PCDH11X: variants seen among roughly 807,000 people sequenced by gnomAD.
PCDH11X encodes the protein protocadherin-11 X-linked.
Under a neutral mutation model 53.3 loss-of-function variants are expected in PCDH11X, and 18 were observed. That is an observed-to-expected ratio of 0.34 (90% CI 0.23 to 0.50). The LOEUF (loss-of-function observed/expected upper bound fraction) is 0.50. Among genes scored for constraint, PCDH11X ranks in the 20% least tolerant of loss-of-function variants. PCDH11X has a pLI of 0.98. For synonymous variants in PCDH11X, 279 were observed against 393.3 expected, an observed-to-expected ratio of 0.71 and a Z score of 3.44; for missense variants, 570 against 1,032.4, an observed-to-expected ratio of 0.55 and a Z score of 6.14.
chrX:92,505,752 T>C (rs887776374), intron 10 of PCDH11X, among the ~76,000 whole-genome samples: 2 of 111,123 alleles, frequency 1.8e-5, no homozygotes, highest in Non-Finnish European at 3.8e-5. Flanking sequence ...ATGTCATTAG[T>C]TGTTTGATTG....
At chrX:92,368,426 C>A (rs2070528963) in intron 8 of PCDH11X, among the ~76,000 whole-genome samples, 1 of 111,792 alleles carries the variant, frequency 8.9e-6, no homozygotes, top group Non-Finnish European at 1.9e-5. Flanking sequence ...AGCTTCCTTG[C>A]ATTGGCTTAA....
At chrX:92,268,862 C>A (rs752185158) in intron 8 of PCDH11X, among the ~76,000 whole-genome samples, 1 of 112,093 alleles carries the variant, frequency 8.9e-6, no homozygotes, top group African/African-American at 3.2e-5. Flanking sequence ...ATCAGTCTGG[C>A]CAACCTCGTC....
At chrX:92,210,594 T>G (rs1178387358) in intron 7 of PCDH11X, among the ~76,000 whole-genome samples, 3 of 111,422 alleles carry the variant, frequency 2.7e-5, no homozygotes, top group African/African-American at 9.8e-5. Flanking sequence ...TTTTTCAAAC[T>G]TTTATGCTCT....
intron 10 of PCDH11X, among the ~76,000 whole-genome samples, chrX:92,488,053 AG>A (rs781149078): frequency 1.2e-4 from 13 of 112,320 alleles, no homozygotes; most frequent in African/African-American, 3.9e-4. Context: ...CTCCTGCCTC[AG>A]CCTTCCCAGT....
intron 9 of PCDH11X, among the ~76,000 whole-genome samples, chrX:92,465,856 T>C (rs1402638183): frequency 7.2e-5 from 8 of 110,859 alleles, no homozygotes; most frequent in South Asian, 7.5e-4. Flanking sequence ...GTTATTTCTA[T>C]TGTTTTAGTT....
At chrX:92,356,043 CT>C (rs1180610363) in intron 8 of PCDH11X, among the ~76,000 whole-genome samples, 1 of 111,863 alleles carries the variant, frequency 8.9e-6, no homozygotes, top group Non-Finnish European at 1.9e-5. Flanking sequence ...GAAGCTCCTT[CT>C]GTGTCAATGC....
intron 6 of PCDH11X, among the ~76,000 whole-genome samples, chrX:92,057,764 G>A (rs2063470382): frequency 9.8e-6 from 1 of 101,628 alleles, no homozygotes; most frequent in Admixed American, 1.1e-4. Context: ...TTGAGGAAAA[G>A]ATTTATTGCT....
chrX:92,274,553 T>C lies in PCDH11X; in HGVS notation c.3144+11410T>C, dbSNP rs1237049798. Among the ~76,000 whole-genome samples the C allele has an allele frequency of 3.6e-5, 4 of 111,264 alleles. No homozygotes were observed. The South Asian group carries it at 1.5e-3, about 42-fold the overall frequency. On this transcript the variant is annotated intron_variant, in intron 8 of 10. Coordinates refer to ENST00000682573, the MANE Select transcript of PCDH11X (RefSeq NM_032968.5). Reference sequence around the variant, plus strand: ...CCTAGACTAAGAGGTATTTTAGTTATCTGACTCCGGACATGTTGAGTAAAG... The same window carrying C: ...CCTAGACTAAGAGGTATTTTAGTTACCTGACTCCGGACATGTTGAGTAAAG...
chrX:91,962,366 A>G (rs1164914926), intron 6 of PCDH11X, among the ~76,000 whole-genome samples: 1 of 112,705 alleles, frequency 8.9e-6, no homozygotes, highest in African/African-American at 3.2e-5. Flanking sequence ...TGCAAGTCCA[A>G]AATCCAGTGG....
intron 6 of PCDH11X, among the ~76,000 whole-genome samples, chrX:92,180,931 C>A (rs1221143272): frequency 9.2e-6 from 1 of 108,169 alleles, no homozygotes; most frequent in African/African-American, 3.4e-5. Context: ...TGGGCTAATA[C>A]AGTAAATTGG....
At chrX:91,828,254 G>A (rs1468388589) in intron 4 of PCDH11X, among the ~76,000 whole-genome samples, 1 of 108,793 alleles carries the variant, frequency 9.2e-6, no homozygotes, top group African/African-American at 3.4e-5. Context: ...CGCATAGCTG[G>A]GACTACAGGC....
At chrX:92,330,881 A>G (rs997376822) in intron 8 of PCDH11X, among the ~76,000 whole-genome samples, 14 of 96,306 alleles carry the variant, frequency 1.5e-4, no homozygotes, top group African/African-American at 4.9e-4. Context: ...CTATTATGTC[A>G]GAAAGCCAAT....
chrX:92,217,189 T>C (rs2148347089), intron 7 of PCDH11X, among the ~76,000 whole-genome samples: 1 of 110,500 alleles, frequency 9.0e-6, no homozygotes, highest in East Asian at 2.9e-4. Context: ...CAGGATCAAA[T>C]TCACACATAA....
At chrX:92,519,407 C>CT (rs2074330074) in intron 10 of PCDH11X, among the ~76,000 whole-genome samples, 1 of 108,416 alleles carries the variant, frequency 9.2e-6, no homozygotes, top group African/African-American at 3.3e-5. Context: ...TGTGCTTTAT[C>CT]TTTTTATTTT....
chrX:91,960,427 G>GT (rs1161717944), intron 6 of PCDH11X, among the ~76,000 whole-genome samples: 1 of 109,933 alleles, frequency 9.1e-6, no homozygotes, highest in Non-Finnish European at 1.9e-5. Context: ...TTGTTTGTTT[G>GT]TTGTTGTTGT....
intron 6 of PCDH11X, among the ~76,000 whole-genome samples, chrX:91,937,936 A>G (rs1405461646): frequency 2.7e-5 from 3 of 111,628 alleles, no homozygotes. Context: ...TCCATCTGAT[A>G]TTATGCAATT....
intron 6 of PCDH11X, among the ~76,000 whole-genome samples, chrX:91,972,434 C>A (rs2061976655): frequency 1.0e-5 from 1 of 99,278 alleles, no homozygotes; most frequent in African/African-American, 3.7e-5. Context: ...TTTTGCTGTG[C>A]AGAAGCTCTT....
intron 7 of PCDH11X, among the ~76,000 whole-genome samples, chrX:92,212,033 G>T (rs1435756732): frequency 3.9e-5 from 3 of 76,594 alleles, no homozygotes; most frequent in Non-Finnish European, 7.3e-5. Flanking sequence ...TTTTCCTGAG[G>T]CAGAGTCTTG....
At chrX:92,147,855 T>TTTCTTTC (rs1569388372) in intron 6 of PCDH11X, among the ~76,000 whole-genome samples, 2 of 22,373 alleles carry the variant, frequency 8.9e-5, no homozygotes, top group African/African-American at 1.6e-4. Flanking sequence ...TTCTTTCTTT[T>TTTCTTTC]TTCTTTTCTC....
Sources: gnomAD v4.1 joint callset for allele counts (sites outside exome capture counted in the v4.1 genomes callset) on GRCh38, gnomAD v4.1.1 for gene constraint, MANE v1.5 for transcripts, NCBI Gene and HGNC (gene_info 2026-07-23, HGNC 2026-07-21) for gene names.